Variants in MNAT1 observed in about 807,000 individuals in gnomAD.
MNAT1 encodes the protein MNAT1 component of CDK activating kinase, also known as CDK-activating kinase assembly factor MAT1.
MNAT1 carries 43 observed loss-of-function variants against 42.0 expected under a neutral mutation model. That is an observed-to-expected ratio of 1.02 (90% confidence interval 0.80 to 1.32). The LOEUF is 1.32. Ranked by LOEUF, MNAT1 falls within the 40% of genes most tolerant of loss-of-function variation. MNAT1 has a pLI of 0.00. For synonymous variants in MNAT1, 118 were observed against 120.0 expected (o/e 0.98, Z 0.11); for missense variants, 306 against 350.4 (o/e 0.87, Z 1.01).
intron 1 of MNAT1, among the ~76,000 whole-genome samples, chr14:60,769,562 G>T (rs923565120): frequency 1.3e-5 from 2 of 152,102 alleles, no homozygotes; most frequent in Admixed American, 1.3e-4. Flanking sequence ...GCGATTATAG[G>T]TGTGAGCCAC....
intron 1 of MNAT1, among the ~76,000 whole-genome samples, chr14:60,784,860 T>C (rs1354265160): frequency 6.6e-6 from 1 of 151,900 alleles, no homozygotes; most frequent in Admixed American, 6.6e-5. Context: ...GCTAACACTT[T>C]TTTTTTTTTG....
At chr14:60,772,456 G>C (rs1169807869) in intron 1 of MNAT1, among the ~76,000 whole-genome samples, 1 of 151,996 alleles carries the variant, frequency 6.6e-6, no homozygotes, top group African/African-American at 2.4e-5. Context: ...GTGGTGGCAG[G>C]TGCCTGTACT....
chr14:60,766,214 G>A (rs779575985), intron 1 of MNAT1, among the ~76,000 whole-genome samples: 1 of 152,012 alleles, frequency 6.6e-6, no homozygotes, highest in African/African-American at 2.4e-5. Context: ...CAGGCTTGGT[G>A]GTGGGCGCCC....
At chr14:60,744,547 C>G (rs1359588905) in intron 1 of MNAT1, among the ~76,000 whole-genome samples, 3 of 152,160 alleles carry the variant, frequency 2.0e-5, no homozygotes, top group Non-Finnish European at 4.4e-5. Flanking sequence ...TATAGAGATT[C>G]TGGATTTTGT....
At chr14:60,938,539 G>A (rs192649932) in intron 7 of MNAT1, among the ~76,000 whole-genome samples, 1 of 152,162 alleles carries the variant, frequency 6.6e-6, no homozygotes, top group Non-Finnish European at 1.5e-5. Context: ...TTATTGATTT[G>A]TGTATGTTGA....
intron 3 of MNAT1, among the ~76,000 whole-genome samples, chr14:60,801,693 A>G (rs1372956256): frequency 6.6e-6 from 1 of 152,310 alleles, no homozygotes; most frequent in African/African-American, 2.4e-5. Flanking sequence ...TGATGAGGAT[A>G]TGGAGAAAAG....
At chr14:60,853,714 C>T (rs563683356) in intron 6 of MNAT1, among the ~76,000 whole-genome samples, 1 of 152,292 alleles carries the variant, frequency 6.6e-6, no homozygotes, top group Non-Finnish European at 1.5e-5. Context: ...TTTTGAGATA[C>T]ATTCCACCAA....
chr14:60,882,197 A>AT (rs927108869), intron 7 of MNAT1, among the ~76,000 whole-genome samples: 119 of 150,842 alleles, frequency 7.9e-4, no homozygotes, highest in Middle Eastern at 3.4e-3. Context: ...CATTCTAACT[A>AT]TTTTTTTTTC....
chr14:60,781,398 T>C (rs1485253886), intron 1 of MNAT1, among the ~76,000 whole-genome samples: 1 of 152,182 alleles, frequency 6.6e-6, no homozygotes, highest in Non-Finnish European at 1.5e-5. Context: ...TTATGTATGA[T>C]GAAAAAATTG....
rs192716787 is a variant in MNAT1 at position 60,738,911 on chromosome 14, A to G, written c.89+3960A>G. On this transcript the variant is annotated intron_variant, in intron 1 of 7. Transcript: ENST00000261245. ...GCATATATTTCATGGGATTGAATAT[A>G]GGCATTTTTATAATATGCTTGTTAG... Among the ~76,000 whole-genome samples, 19 of 152,332 alleles carry G rather than the reference A, an allele frequency of 1.2e-4. No homozygotes were observed. The East Asian group carries it at 3.5e-3, about 28-fold the overall frequency.
At chr14:60,785,783 T>A (rs921137097) in intron 1 of MNAT1, among the ~76,000 whole-genome samples, 4 of 152,190 alleles carry the variant, frequency 2.6e-5, no homozygotes, top group Admixed American at 2.6e-4. Context: ...AGCTTTGCAT[T>A]TGACAAGGCA....
At chr14:60,952,967 A>G (rs772244577) in intron 7 of MNAT1, among the ~76,000 whole-genome samples, 9 of 152,004 alleles carry the variant, frequency 5.9e-5, no homozygotes, top group Non-Finnish European at 1.3e-4. Flanking sequence ...ATATTATGGA[A>G]ATCAGAAACT....
At chr14:60,812,212 G>T in intron 5 of MNAT1, 85 bp downstream of exon 5, 2 of 1,288,874 alleles carry the variant, frequency 1.6e-6, no homozygotes, top group Non-Finnish European at 1.0e-6. Flanking sequence ...CATTTAAAGG[G>T]CTTTTCCACA....
intron 1 of MNAT1, among the ~76,000 whole-genome samples, chr14:60,781,106 A>G (rs2031444163): frequency 6.6e-6 from 1 of 152,202 alleles, no homozygotes; most frequent in Non-Finnish European, 1.5e-5. Context: ...AATTTTCCCT[A>G]TCGAATCAGT....
intron 7 of MNAT1, among the ~76,000 whole-genome samples, chr14:60,896,423 C>T (rs2034957970): frequency 6.6e-6 from 1 of 152,132 alleles, no homozygotes; most frequent in Non-Finnish European, 1.5e-5. Context: ...TTAATTGATA[C>T]AAATCATGAG....
At chr14:60,891,838 A>G (rs917085222) in intron 7 of MNAT1, among the ~76,000 whole-genome samples, 1 of 152,008 alleles carries the variant, frequency 6.6e-6, no homozygotes, top group Non-Finnish European at 1.5e-5. Context: ...ACGTTTTGGT[A>G]TGGCTTGTTC....
intron 6 of MNAT1, among the ~76,000 whole-genome samples, chr14:60,826,156 G>A (rs1275906887): frequency 1.3e-5 from 2 of 152,050 alleles, no homozygotes; most frequent in South Asian, 2.1e-4. Flanking sequence ...AGGTTGTGCC[G>A]GATTTATTAT....
intron 3 of MNAT1, among the ~76,000 whole-genome samples, chr14:60,805,600 C>T (rs2032342835): frequency 6.6e-6 from 1 of 152,068 alleles, no homozygotes; most frequent in African/African-American, 2.4e-5. Flanking sequence ...AAACACTGTT[C>T]TTTTTAGTTT....
chr14:60,879,966 T>G (rs1314078825), intron 7 of MNAT1, 131 bp downstream of exon 7: 3 of 946,288 alleles, frequency 3.2e-6, no homozygotes, highest in Non-Finnish European at 4.5e-6. Flanking sequence ...TGAACAGTAC[T>G]CAATACCAAA....
Sources: allele counts gnomAD v4.1 joint callset (sites outside exome capture counted in the v4.1 genomes callset), GRCh38; gene constraint gnomAD v4.1.1; transcripts MANE v1.5; gene names NCBI Gene and HGNC (gene_info 2026-07-23, HGNC 2026-07-21).